Variants in TPD52 observed in about 807,000 individuals in gnomAD.
TPD52 encodes prostate and colon associated protein.
In TPD52, 17 loss-of-function variants were observed where a neutral mutation model predicts 31.3. The observed-to-expected ratio is 0.54, with a 90% CI of 0.37 to 0.82. The LOEUF (loss-of-function observed/expected upper bound fraction) is 0.82. TPD52 is among the 40% of genes least tolerant of loss of function. TPD52 has a pLI of 0.00. For missense variants in TPD52, 212 were observed against 240.1 expected (o/e 0.88, Z 0.77); for synonymous variants, 83 against 89.6 (o/e 0.93, Z 0.42).
chr8:80,140,128 A>T (rs1809725808), intron 1 of TPD52, among the ~76,000 whole-genome samples: 1 of 152,196 alleles, frequency 6.6e-6, no homozygotes, highest in Non-Finnish European at 1.5e-5. Flanking sequence ...TGCCTGCATA[A>T]ATGCTTTCTC....
intron 1 of TPD52, among the ~76,000 whole-genome samples, chr8:80,099,214 A>G (rs1190666802): frequency 1.3e-5 from 2 of 152,192 alleles, no homozygotes; most frequent in Non-Finnish European, 2.9e-5. Flanking sequence ...CAAACCCACA[A>G]TATCTCCCAA....
chr8:80,080,717 C>A, intron 1 of TPD52: 3 of 1,135,804 alleles, frequency 2.6e-6, no homozygotes, highest in Non-Finnish European at 3.2e-6. Context: ...GTGTTAATTT[C>A]GATCAACAAT....
At chr8:80,134,392 C>T (rs2131100918) in intron 1 of TPD52, among the ~76,000 whole-genome samples, 1 of 152,314 alleles carries the variant, frequency 6.6e-6, no homozygotes, top group East Asian at 1.9e-4. Flanking sequence ...TTTCCAATGT[C>T]TTAATGCTCA....
chr8:80,128,541 T>C (rs1026512790), intron 1 of TPD52, among the ~76,000 whole-genome samples: 1 of 147,048 alleles, frequency 6.8e-6, no homozygotes, highest in East Asian at 2.0e-4. Context: ...ACACCCATAC[T>C]TCTCAGCTAC....
intron 1 of TPD52, among the ~76,000 whole-genome samples, chr8:80,087,724 A>G (rs1240992851): frequency 2.6e-5 from 4 of 152,140 alleles, no homozygotes; most frequent in African/African-American, 9.7e-5. Context: ...TCTACAGAAA[A>G]GAAGTCTCCC....
At chr8:80,129,112 T>C (rs1396925113) in intron 1 of TPD52, among the ~76,000 whole-genome samples, 2 of 152,182 alleles carry the variant, frequency 1.3e-5, no homozygotes, top group East Asian at 3.8e-4. Context: ...TGATACTTCC[T>C]AGTTCTCATC....
At chr8:80,085,204 C>T (rs1400679428) in intron 1 of TPD52, among the ~76,000 whole-genome samples, 1 of 152,146 alleles carries the variant, frequency 6.6e-6, no homozygotes, top group Non-Finnish European at 1.5e-5. Context: ...ACCACTATGC[C>T]AGCAGAGGGA....
At chr8:80,046,939 A>G (rs1810921569) in intron 5 of TPD52, among the ~76,000 whole-genome samples, 1 of 152,216 alleles carries the variant, frequency 6.6e-6, no homozygotes, top group Non-Finnish European at 1.5e-5. Context: ...ATAAGGAAGG[A>G]AGTAGCAGCA....
At chr8:80,118,963 C>T (rs1266461609) in intron 1 of TPD52, among the ~76,000 whole-genome samples, 1 of 152,090 alleles carries the variant, frequency 6.6e-6, no homozygotes, top group African/African-American at 2.4e-5. Flanking sequence ...TACAAAAAAA[C>T]ATGCACAAAT....
intron 1 of TPD52, among the ~76,000 whole-genome samples, chr8:80,094,772 AT>A (rs1338530908): frequency 8.6e-5 from 13 of 151,882 alleles, no homozygotes; most frequent in African/African-American, 2.2e-4. Flanking sequence ...TAAAAAAAAA[AT>A]GATCACTTAA....
rs78098529 is a variant in TPD52, at chr8:80,128,747, A to T, written c.19+42678T>A. Among the ~76,000 whole-genome samples the T allele has an allele frequency of 4.5e-3, 679 of 152,094 alleles. 6 individuals are homozygous for T. The highest frequency in any genetic ancestry group is 0.016 in the African/African-American group (651 of 41,556). On this transcript the variant is annotated intron_variant, in intron 1 of 7. Coordinates refer to ENST00000518937, the MANE Select transcript of TPD52 (RefSeq NM_001025253.3). ...GTATCAGACAGATACTAATACTGGT[A>T]ATATTAGATATTAAGATGTAATACT... is the stretch of plus-strand genomic sequence containing the variant.
chr8:80,037,261 G>C lies in TPD52; in HGVS notation c.*855C>G, dbSNP rs1809970659. 3 of 152,480 alleles carry C rather than the reference G, an allele frequency of 2.0e-5. No homozygotes were observed. Among genetic ancestry groups the C allele is most frequent in the Non-Finnish European group, 4.4e-5 (3 of 68,000 alleles). 9.4% of individuals were successfully genotyped at this position (152,480 alleles called of 1,614,324 possible). ...ATATTGTCATTTTTACCAGCTTCTAGATCTAAACTTTCAGGCTTTTGAACT... is the reference window on the plus strand; with the variant it reads ...ATATTGTCATTTTTACCAGCTTCTACATCTAAACTTTCAGGCTTTTGAACT... On this transcript the variant is annotated 3_prime_UTR_variant, in exon 8 of 8. Transcript: ENST00000518937.
At chr8:80,056,115 T>C (rs1811850317) in intron 2 of TPD52, among the ~76,000 whole-genome samples, 1 of 152,238 alleles carries the variant, frequency 6.6e-6, no homozygotes, top group African/African-American at 2.4e-5. Context: ...CTATTTACAA[T>C]ACCCAAGTGT....
intron 6 of TPD52, among the ~76,000 whole-genome samples, 176 bp downstream of exon 6, chr8:80,043,991 C>A (rs1369237721): frequency 1.3e-5 from 2 of 152,190 alleles, no homozygotes; most frequent in African/African-American, 4.8e-5. Flanking sequence ...TTTAACGGAT[C>A]TCTTGCACCC....
At chr8:80,119,186 C>A (rs1197568011) in intron 1 of TPD52, among the ~76,000 whole-genome samples, 2 of 152,060 alleles carry the variant, frequency 1.3e-5, no homozygotes, top group Non-Finnish European at 2.9e-5. Context: ...ATGTATAAAC[C>A]CATTTATATG....
At chr8:80,044,294 C>T in intron 5 of TPD52, 86 bp from the exon 6 acceptor site, 5 of 1,068,926 alleles carry the variant, frequency 4.7e-6, no homozygotes, top group Non-Finnish European at 5.3e-6. Flanking sequence ...ACTTAGCTCC[C>T]CAGGAGCTTT....
At chr8:80,048,205 GCTCT>G (rs1457954792) in intron 5 of TPD52, among the ~76,000 whole-genome samples, 1 of 151,724 alleles carries the variant, frequency 6.6e-6, no homozygotes, top group African/African-American at 2.4e-5. Context: ...ATCAAGAGCA[GCTCT>G]CTCTCTCTCT....
At chr8:80,094,966 G>C (rs1245721672) in intron 1 of TPD52, among the ~76,000 whole-genome samples, 2 of 152,114 alleles carry the variant, frequency 1.3e-5, no homozygotes, top group Admixed American at 6.5e-5. Flanking sequence ...TTGTCAGCAG[G>C]AGGAGAGATG....
chr8:80,101,448 CAAAAAAAAAAA>C (rs113660828), intron 1 of TPD52, among the ~76,000 whole-genome samples: 12 of 114,732 alleles, frequency 1.0e-4, no homozygotes, highest in South Asian at 6.6e-4. Flanking sequence ...ACTCCCAGCT[CAAAAAAAAAAA>C]AAAAAAAAAA....
Sources: gnomAD v4.1 joint callset for allele counts (sites outside exome capture counted in the v4.1 genomes callset) on GRCh38, gnomAD v4.1.1 for gene constraint, MANE v1.5 for transcripts, NCBI Gene and HGNC (gene_info 2026-07-23, HGNC 2026-07-21) for gene names.